The following DENND1A variants were observed in gnomAD, a reference collection of about 807,000 sequenced individuals.
The protein encoded by DENND1A is DENN domain containing 1A.
A neutral mutation model predicts 113.7 loss-of-function variants in DENND1A; 51 were observed. The ratio of observed to expected loss-of-function variants is 0.45; its 90% CI spans 0.36 to 0.57. The LOEUF (loss-of-function observed/expected upper bound fraction) is 0.57, where lower values mean the gene tolerates loss of function less well. Ranked by LOEUF, DENND1A falls within the 20% of genes least tolerant of loss-of-function variation. The probability of loss-of-function intolerance (pLI) is 0.00; values close to 1 mark genes in which losing one functional copy is unlikely to be tolerated. For missense variants in DENND1A, 1,258 were observed against 1,395.9 expected (o/e 0.90, Z 1.57); for synonymous variants, 565 against 570.8 (o/e 0.99, Z 0.14).
chr9:123,833,945 A>G (rs1840675963), intron 2 of DENND1A, among the ~76,000 whole-genome samples: 2 of 152,092 alleles, frequency 1.3e-5, no homozygotes, highest in Non-Finnish European at 2.9e-5. Flanking sequence ...AGTCCCAGCT[A>G]CTCGGGAGGC....
At chr9:123,822,949 T>C (rs1246647534) in intron 2 of DENND1A, among the ~76,000 whole-genome samples, 1 of 152,210 alleles carries the variant, frequency 6.6e-6, no homozygotes, top group Admixed American at 6.5e-5. Flanking sequence ...ACAAACCCAC[T>C]GTGTGCTATC....
At chr9:123,502,793 C>A (rs1177537101) in intron 13 of DENND1A, among the ~76,000 whole-genome samples, 2 of 152,212 alleles carry the variant, frequency 1.3e-5, no homozygotes, top group African/African-American at 4.8e-5. Context: ...CCAATGTTTT[C>A]TTCCACAGGT....
chr9:123,907,054 A>G (rs913952371), intron 1 of DENND1A, among the ~76,000 whole-genome samples: 4 of 151,394 alleles, frequency 2.6e-5, no homozygotes, highest in Non-Finnish European at 4.4e-5. Flanking sequence ...CTGGTTCAAT[A>G]TACGCAAATC....
At chr9:123,472,319 A>T (rs915426633) in intron 13 of DENND1A, among the ~76,000 whole-genome samples, 3 of 152,116 alleles carry the variant, frequency 2.0e-5, no homozygotes, top group Admixed American at 1.3e-4. Context: ...GTGCTCCCTA[A>T]CTGGGAAGCA....
chr9:123,641,681 T>C (rs1327257164), intron 9 of DENND1A, among the ~76,000 whole-genome samples: 1 of 152,206 alleles, frequency 6.6e-6, no homozygotes. Flanking sequence ...GATCAGTCTC[T>C]ATTATGTCGT....
chr9:123,488,625 C>A (rs1475205778), intron 13 of DENND1A, among the ~76,000 whole-genome samples: 5 of 152,216 alleles, frequency 3.3e-5, no homozygotes, highest in Admixed American at 2.0e-4. Context: ...CCTTAGGGGG[C>A]CTCCCCACTC....
At chr9:123,560,617 G>A (rs990588683) in intron 12 of DENND1A, among the ~76,000 whole-genome samples, 1 of 151,110 alleles carries the variant, frequency 6.6e-6, no homozygotes, top group African/African-American at 2.4e-5. Flanking sequence ...TTGAGCCCAG[G>A]AGTTTGAGGT....
intron 19 of DENND1A, chr9:123,414,351 C>T: frequency 7.1e-7 from 1 of 1,418,024 alleles, no homozygotes; most frequent in South Asian, 1.6e-5. Flanking sequence ...TCCAGCCTCT[C>T]CCCCTCCCAG....
chr9:123,924,364 C>T (rs1204233379), intron 1 of DENND1A, among the ~76,000 whole-genome samples: 2 of 152,138 alleles, frequency 1.3e-5, no homozygotes, highest in Non-Finnish European at 2.9e-5. Flanking sequence ...ATACTTAAAA[C>T]CACTTAAAAA....
chr9:123,442,524 G>A (rs1375927757), intron 18 of DENND1A, among the ~76,000 whole-genome samples: 1 of 151,970 alleles, frequency 6.6e-6, no homozygotes, highest in African/African-American at 2.4e-5. Context: ...GAATGAATAA[G>A]GTCAAACATG....
intron 12 of DENND1A, among the ~76,000 whole-genome samples, chr9:123,576,645 C>T (rs1272587945): frequency 6.6e-6 from 1 of 152,118 alleles, no homozygotes; most frequent in Non-Finnish European, 1.5e-5. Context: ...ATTACAGGCA[C>T]CCGCCATCAT....
chr9:123,540,872 A>G (rs1473638386), intron 13 of DENND1A, among the ~76,000 whole-genome samples: 1 of 152,194 alleles, frequency 6.6e-6, no homozygotes, highest in Non-Finnish European at 1.5e-5. Context: ...ACCATCACCA[A>G]AGAGGATCGG....
intron 5 of DENND1A, among the ~76,000 whole-genome samples, chr9:123,750,777 A>T (rs749996156): frequency 6.6e-6 from 1 of 152,230 alleles, no homozygotes; most frequent in African/African-American, 2.4e-5. Flanking sequence ...AGAAAGGCTG[A>T]TTTCTCCCAG....
chr9:123,444,417 G>A (rs1489292635), intron 18 of DENND1A, among the ~76,000 whole-genome samples: 1 of 152,152 alleles, frequency 6.6e-6, no homozygotes, highest in Non-Finnish European at 1.5e-5. Context: ...ACTTTGGGAG[G>A]CCAAGGTGGG....
chr9:123,528,939 C>T (rs12683283), intron 13 of DENND1A, among the ~76,000 whole-genome samples: 47 of 152,326 alleles, frequency 3.1e-4, no homozygotes, highest in African/African-American at 1.1e-3. Context: ...AGACCCATTT[C>T]GAGTGAGTAT....
At chr9:123,816,238 G>C (rs1485793207) in intron 2 of DENND1A, among the ~76,000 whole-genome samples, 1 of 152,144 alleles carries the variant, frequency 6.6e-6, no homozygotes, top group Non-Finnish European at 1.5e-5. Context: ...CTGGGTTCAA[G>C]TGATCTGCCA....
chr9:123,792,864 A>G (rs1443764681), intron 2 of DENND1A, among the ~76,000 whole-genome samples: 1 of 152,238 alleles, frequency 6.6e-6, no homozygotes, highest in Non-Finnish European at 1.5e-5. Context: ...TGTTAACTTT[A>G]GACTATTACC....
rs533527565 is a variant in DENND1A, at chr9:123,601,624, C to G, written c.765+7812G>C. ...TTTACAAAATAAAGCAATCTCCACC[C>G]AGGGTTTCACTGATATAAACTTTGC... On this transcript the variant is annotated intron_variant, in intron 11 of 23. Transcript: ENST00000394215. 7.9e-5 allele frequency among the ~76,000 whole-genome samples: 12 copies of G among 152,330 alleles called. No homozygotes were observed. The East Asian group carries it at 2.3e-3, about 29-fold the overall frequency.
intron 2 of DENND1A, among the ~76,000 whole-genome samples, chr9:123,808,196 A>G (rs1390470612): frequency 6.6e-6 from 1 of 152,096 alleles, no homozygotes; most frequent in Non-Finnish European, 1.5e-5. Context: ...ATTGTACCCC[A>G]GCCTAGGTGA....
Sources: allele counts gnomAD v4.1 joint callset (sites outside exome capture counted in the v4.1 genomes callset), GRCh38; gene constraint gnomAD v4.1.1; transcripts MANE v1.5; gene names NCBI Gene and HGNC (gene_info 2026-07-23, HGNC 2026-07-21).